ARHGAP44: variants seen among roughly 807,000 people sequenced by gnomAD.
The protein encoded by ARHGAP44 is Rho GTPase activating protein 44, also known as rho GTPase-activating protein 44.
In ARHGAP44, 43 loss-of-function variants were observed where a neutral mutation model predicts 106.8. That is an observed-to-expected ratio of 0.40 (90% CI 0.32 to 0.52). The LOEUF is 0.52. Ranked by LOEUF, ARHGAP44 falls within the 20% of genes least tolerant of loss-of-function variation. The probability of loss-of-function intolerance (pLI) is 0.48; values close to 1 mark genes in which losing one functional copy is unlikely to be tolerated. For missense variants in ARHGAP44, 866 were observed against 1,050.5 expected (o/e 0.82, Z 2.43); for synonymous variants, 439 against 410.3 (o/e 1.07, Z -0.85).
chr17:12,803,747 G>C (rs1399322323), intron 1 of ARHGAP44, among the ~76,000 whole-genome samples: 1 of 151,944 alleles, frequency 6.6e-6, no homozygotes, highest in African/African-American at 2.4e-5. Context: ...ACACAGCCCA[G>C]ACCATATTTT....
chr17:12,926,594 A>C (rs976057628), intron 6 of ARHGAP44, among the ~76,000 whole-genome samples: 1 of 149,004 alleles, frequency 6.7e-6, no homozygotes, highest in African/African-American at 2.4e-5. Context: ...AAAAGGGGAA[A>C]TGTATATGTT....
In ARHGAP44 at chr17:12,987,116, G is replaced by A. The variant is rs1288711593; in HGVS notation, c.2317+2208G>A. 5 of 1,534,848 alleles carry A rather than the reference G, an allele frequency of 3.3e-6. No individual in the cohort carries two copies. The Admixed American group carries it at 7.9e-5, about 24-fold the overall frequency. ...GTTCTTGCAGCTGTGTGACATGAGT[G>A]GCGCAGTTTTGGATACGTGTGAGGG... On this transcript the variant is annotated intron_variant, in intron 20 of 20. Transcript: ENST00000379672.
intron 1 of ARHGAP44, among the ~76,000 whole-genome samples, chr17:12,875,903 C>T (rs913220935): frequency 5.9e-5 from 9 of 152,082 alleles, no homozygotes; most frequent in Non-Finnish European, 1.2e-4. Context: ...GAGATGGCGT[C>T]ATCGCACTCC....
chr17:12,985,065 C>A, intron 20 of ARHGAP44, 157 bp downstream of exon 20: 2 of 943,038 alleles, frequency 2.1e-6, no homozygotes, highest in Non-Finnish European at 3.1e-6. Flanking sequence ...TCCTTAGAAG[C>A]CCACCAATGG....
chr17:12,944,974 C>T (rs941421273), intron 10 of ARHGAP44, among the ~76,000 whole-genome samples: 4 of 151,862 alleles, frequency 2.6e-5, no homozygotes, highest in African/African-American at 7.3e-5. Flanking sequence ...TTAGAAAGTA[C>T]TTTTTAAGAG....
At chr17:12,896,558 G>T in intron 3 of ARHGAP44, 47 bp downstream of exon 3, 1 of 1,513,078 alleles carries the variant, frequency 6.6e-7, no homozygotes, top group South Asian at 1.2e-5. Flanking sequence ...GCCTACTGAG[G>T]ACAAGGTTCC....
intron 1 of ARHGAP44, among the ~76,000 whole-genome samples, chr17:12,840,380 A>G (rs562373730): frequency 2.2e-4 from 34 of 152,318 alleles, no homozygotes; most frequent in African/African-American, 7.5e-4. Context: ...TTTAAAAGGA[A>G]TGACATATTA....
chr17:12,812,678 A>G (rs542441899), intron 1 of ARHGAP44, among the ~76,000 whole-genome samples: 1 of 152,302 alleles, frequency 6.6e-6, no homozygotes, highest in South Asian at 2.1e-4. Flanking sequence ...ATAGGTTCAC[A>G]AACACACGTG....
At chr17:12,987,097 G>T in intron 20 of ARHGAP44, 1 of 1,504,184 alleles carries the variant, frequency 6.6e-7, no homozygotes, top group South Asian at 1.2e-5. Flanking sequence ...TTGTGTTCTT[G>T]CAGCTGTGTG....
chr17:12,929,426 C>T lies in ARHGAP44; in HGVS notation c.582+380C>T, dbSNP rs528422685. On this transcript the variant is annotated intron_variant, in intron 7 of 20. Transcript: ENST00000379672. The stretch of plus-strand genomic sequence containing the variant: ...CTCACTGTTGATACTTAGTTATTTC[C>T]TTTTTGGCTGCGTTTTGATATTTCC... 10 of 158,178 alleles carry T rather than the reference C, an allele frequency of 6.3e-5. No individual in the cohort carries two copies. In the East Asian group the frequency reaches 1.8e-3, roughly 28 times the overall value. The allele number at this position is 158,178 out of a possible 1,614,324, so 9.8% of individuals were successfully genotyped here.
At chr17:12,850,780 C>T (rs945151279) in intron 1 of ARHGAP44, among the ~76,000 whole-genome samples, 5 of 152,206 alleles carry the variant, frequency 3.3e-5, no homozygotes, top group African/African-American at 1.2e-4. Context: ...GTGTTCACTG[C>T]TGTGCCTCTA....
chr17:12,863,417 A>G (rs191492690), intron 1 of ARHGAP44, among the ~76,000 whole-genome samples: 1 of 152,346 alleles, frequency 6.6e-6, no homozygotes, highest in African/African-American at 2.4e-5. Context: ...ATTCACTGAG[A>G]TAACTCAAGA....
At chr17:12,790,303 C>A in intron 1 of ARHGAP44, 1 of 184,000 alleles carries the variant, frequency 5.4e-6, no homozygotes, top group South Asian at 1.2e-4. Flanking sequence ...CTCCCCTCCC[C>A]TGCGCCGAGT....
At chr17:12,872,136 T>C (rs1227892937) in intron 1 of ARHGAP44, among the ~76,000 whole-genome samples, 1 of 152,240 alleles carries the variant, frequency 6.6e-6, no homozygotes, top group Non-Finnish European at 1.5e-5. Context: ...GTCTGTGACT[T>C]TTCTTTGATT....
chr17:12,970,376 A>G (rs1225422708), intron 16 of ARHGAP44, among the ~76,000 whole-genome samples: 1 of 141,338 alleles, frequency 7.1e-6, no homozygotes, highest in Non-Finnish European at 1.5e-5. Context: ...AAAAAAAAAA[A>G]AAAAAAAAAA....
intron 16 of ARHGAP44, among the ~76,000 whole-genome samples, chr17:12,959,690 G>A (rs1160782288): frequency 6.6e-6 from 1 of 152,232 alleles, no homozygotes; most frequent in Non-Finnish European, 1.5e-5. Flanking sequence ...ACCTCTTACA[G>A]GAGGGGATCG....
chr17:12,987,460 C>A, intron 20 of ARHGAP44: 1 of 295,616 alleles, frequency 3.4e-6, no homozygotes, highest in Non-Finnish European at 6.4e-6. Context: ...CTCCCTCAGG[C>A]TTAGACCGTG....
chr17:12,813,851 T>A (rs1194138578), intron 1 of ARHGAP44, among the ~76,000 whole-genome samples: 1 of 152,100 alleles, frequency 6.6e-6, no homozygotes, highest in Non-Finnish European at 1.5e-5. Context: ...CAGGCTGGCA[T>A]TTCTCCTGGC....
chr17:12,875,811 G>A (rs1378151352), intron 1 of ARHGAP44, among the ~76,000 whole-genome samples: 1 of 152,190 alleles, frequency 6.6e-6, no homozygotes. Flanking sequence ...AGGCATGGTG[G>A]CAGGTGCCTG....
Sources: gnomAD v4.1 joint callset for allele counts (sites outside exome capture counted in the v4.1 genomes callset) on GRCh38, gnomAD v4.1.1 for gene constraint, MANE v1.5 for transcripts, NCBI Gene and HGNC (gene_info 2026-07-23, HGNC 2026-07-21) for gene names.